The following FAM153A variants were observed in gnomAD, a reference collection of about 807,000 sequenced individuals.
The protein encoded by FAM153A is family with sequence similarity 153 member A.
Under a neutral mutation model 48.1 loss-of-function variants are expected in FAM153A, and 12 were observed. That is an observed-to-expected ratio of 0.25 (90% confidence interval 0.16 to 0.40). FAM153A has a LOEUF of 0.40. FAM153A is among the 10% of genes least tolerant of loss of function. The probability of loss-of-function intolerance (pLI) is 1.00; values close to 1 mark genes in which losing one functional copy is unlikely to be tolerated. For missense variants in FAM153A, 111 were observed against 345.8 expected, an observed-to-expected ratio of 0.32 and a Z score of 5.38; for synonymous variants, 36 against 118.2, an observed-to-expected ratio of 0.30 and a Z score of 4.51.
intron 12 of FAM153A, among the ~76,000 whole-genome samples, chr5:177,735,383 A>G (rs1294287501): frequency 6.1e-4 from 63 of 103,224 alleles, no homozygotes; most frequent in Non-Finnish European, 3.8e-4. Context: ...CAAATAAACC[A>G]AGATTTGAAA....
At chr5:177,702,171 G>A in the FAM153A span, among the ~76,000 whole-genome samples, 1 of 151,890 alleles carries the variant, frequency 6.6e-6, no homozygotes, top group Non-Finnish European at 1.5e-5. Context: ...GCCTCCCACA[G>A]TGCTGGGATT....
downstream of FAM153A, among the ~76,000 whole-genome samples, chr5:177,708,829 T>C (rs1758089305): frequency 6.6e-6 from 1 of 151,322 alleles, no homozygotes; most frequent in Non-Finnish European, 1.5e-5. Flanking sequence ...GCTCAGTGGC[T>C]CACGCCTGTA....
intron 1 of FAM153A, among the ~76,000 whole-genome samples, chr5:177,771,793 G>A (rs1473365662): frequency 1.0e-5 from 1 of 96,486 alleles, no homozygotes; most frequent in Non-Finnish European, 2.1e-5. Context: ...CTTGGGTACT[G>A]AGTCTCTAAT....
chr5:177,716,327 G>A (rs575546433), intron 25 of FAM153A: 1 of 152,026 alleles, frequency 6.6e-6, no homozygotes, highest in Non-Finnish European at 1.5e-5. Flanking sequence ...TGGGTCATCA[G>A]AAATTGTTTT....
intron 25 of FAM153A, among the ~76,000 whole-genome samples, chr5:177,714,867 TTGCATAAAGAA>T (rs2127562650): frequency 1.1e-5 from 1 of 90,888 alleles, no homozygotes; most frequent in South Asian, 4.7e-4. Flanking sequence ...TTATACTTTA[TTGCATAAAGAA>T]TGACAAGAAA....
rs569500107 is a variant in FAM153A, at chr5:177,761,278, A to T, written c.-56-12579T>A. Among the ~76,000 whole-genome samples, 337 of 151,804 alleles carry T rather than the reference A, an allele frequency of 2.2e-3. 2 individuals are homozygous for T. The highest frequency in any genetic ancestry group is 8.0e-3 in the African/African-American group (328 of 41,230). Reference sequence around the variant, plus strand: ...TCGCTAGCAGCGAATTCCCACTTCTATGCAAAGGAAACTGCCAACGAGGTT... The same window carrying T: ...TCGCTAGCAGCGAATTCCCACTTCTTTGCAAAGGAAACTGCCAACGAGGTT... On this transcript the variant is annotated intron_variant, in intron 1 of 8. Coordinates refer to the FAM153A transcript ENST00000393518.
chr5:177,717,625 T>C (rs1760146512), downstream of FAM153A, among the ~76,000 whole-genome samples: 1 of 148,006 alleles, frequency 6.8e-6, no homozygotes, highest in South Asian at 2.1e-4. Flanking sequence ...ACCAAAATTA[T>C]TAAACATAGC....
intron 6 of FAM153A, among the ~76,000 whole-genome samples, chr5:177,743,203 T>TG (rs1328539934): frequency 2.4e-5 from 1 of 41,718 alleles, no homozygotes; most frequent in Admixed American, 2.2e-4. Flanking sequence ...TTTTTTTTGT[T>TG]TTGTTTTTTT....
At chr5:177,706,689 T>G (rs1757919684), downstream of FAM153A, 1 of 151,838 alleles carries the variant, frequency 6.6e-6, no homozygotes, top group Non-Finnish European at 1.5e-5. Flanking sequence ...ACACATAGAT[T>G]TATGTTTCCC....
the FAM153A span, among the ~76,000 whole-genome samples, chr5:177,699,786 AATTAAT>A: frequency 1.3e-5 from 2 of 151,954 alleles, no homozygotes; most frequent in African/African-American, 4.8e-5. Context: ...TGTAAAGAGG[AATTAAT>A]ATTAATTGTT....
At chr5:177,782,884 G>A (rs1003700452), upstream of FAM153A, 3 of 89,910 alleles carry the variant, frequency 3.3e-5, 1 homozygote, top group African/African-American at 1.3e-4. Context: ...GGCGCCGCTG[G>A]GCTCGCGGGT....
intron 1 of FAM153A, among the ~76,000 whole-genome samples, chr5:177,758,851 TA>T (rs1768013571): frequency 7.4e-6 from 1 of 135,052 alleles, no homozygotes; most frequent in South Asian, 2.7e-4. Context: ...ACTTAAATGT[TA>T]GACTTAAACC....
At chr5:177,757,771 T>C (rs1284678469), upstream of FAM153A, among the ~76,000 whole-genome samples, 1 of 151,374 alleles carries the variant, frequency 6.6e-6, no homozygotes, top group African/African-American at 2.4e-5. Flanking sequence ...TTGGCAAAAT[T>C]CAACAGCCCT....
downstream of FAM153A, among the ~76,000 whole-genome samples, chr5:177,717,613 C>G (rs76302707): frequency 0.12 from 17,567 of 148,388 alleles, 1,358 homozygotes; most frequent in East Asian, 0.32. Context: ...GACACTATCT[C>G]AACCAAAATT....
At chr5:177,696,106 GGGT>G in the FAM153A span, among the ~76,000 whole-genome samples, 2 of 139,246 alleles carry the variant, frequency 1.4e-5, no homozygotes, top group Admixed American at 7.1e-5. Flanking sequence ...TTCCCAGACG[GGGT>G]GGCGGCTGGG....
chr5:177,695,302 CGG>C, the FAM153A span, among the ~76,000 whole-genome samples: 1 of 148,508 alleles, frequency 6.7e-6, no homozygotes, highest in Non-Finnish European at 1.5e-5. Context: ...GGGTGTTTCT[CGG>C]AGAGGCGGAT....
At chr5:177,706,421 G>C (rs1437433580), downstream of FAM153A, among the ~76,000 whole-genome samples, 2 of 151,484 alleles carry the variant, frequency 1.3e-5, no homozygotes, top group Non-Finnish European at 2.9e-5. Context: ...GGATGGTCTC[G>C]ATATCCTGAC....
chr5:177,694,267 A>C, the FAM153A span, among the ~76,000 whole-genome samples: 1 of 149,524 alleles, frequency 6.7e-6, no homozygotes, highest in Non-Finnish European at 1.5e-5. Context: ...TGGTGGGTCA[A>C]ACGCTTCCAC....
the FAM153A span, among the ~76,000 whole-genome samples, chr5:177,697,952 C>T: frequency 2.4e-4 from 18 of 74,150 alleles, 2 homozygotes; most frequent in African/African-American, 7.6e-4. Context: ...TGTTGCTCCT[C>T]TTCTTTTCTG....
Sources: gnomAD v4.1 joint callset for allele counts (sites outside exome capture counted in the v4.1 genomes callset) on GRCh38, gnomAD v4.1.1 for gene constraint, MANE v1.5 for transcripts, NCBI Gene and HGNC (gene_info 2026-07-23, HGNC 2026-07-21) for gene names.